GPR39: variants seen among roughly 807,000 people sequenced by gnomAD.
The protein encoded by GPR39 is zinc sensing receptor.
GPR39 carries 23 observed loss-of-function variants against 18.4 expected under a neutral mutation model. The observed-to-expected ratio is 1.25, with a 90% confidence interval of 0.90 to 1.77. The LOEUF (loss-of-function observed/expected upper bound fraction) is 1.77. Among genes scored for constraint, GPR39 ranks in the 40% most tolerant of loss-of-function variants. The pLI is 0.00. For missense variants in GPR39, 647 were observed against 602.4 expected, an observed-to-expected ratio of 1.07 and a Z score of -0.78; for synonymous variants, 280 against 257.9, an observed-to-expected ratio of 1.09 and a Z score of -0.82.
intron 1 of GPR39, among the ~76,000 whole-genome samples, chr2:132,584,724 G>T (rs1309318408): frequency 6.6e-6 from 1 of 152,200 alleles, no homozygotes; most frequent in African/African-American, 2.4e-5. Flanking sequence ...GTTTCGAAAA[G>T]CAGGCAGGAT....
intron 1 of GPR39, among the ~76,000 whole-genome samples, chr2:132,635,208 T>G (rs1681728979): frequency 6.6e-6 from 1 of 152,298 alleles, no homozygotes; most frequent in Admixed American, 6.5e-5. Flanking sequence ...ATGGATTCCA[T>G]AGAGGTTCAC....
chr2:132,606,341 C>A (rs72841243), intron 1 of GPR39, among the ~76,000 whole-genome samples: 27,212 of 152,182 alleles, frequency 0.18, 2,526 homozygotes, highest in Admixed American at 0.23. Context: ...ATAAAACATA[C>A]CAAGTGCTTA....
At chr2:132,538,487 C>T (rs1467533540) in intron 1 of GPR39, among the ~76,000 whole-genome samples, 1 of 152,220 alleles carries the variant, frequency 6.6e-6, no homozygotes. Flanking sequence ...TGTCTGTCAG[C>T]CCCTTTTGGG....
chr2:132,556,488 A>G (rs1342994561), intron 1 of GPR39, among the ~76,000 whole-genome samples: 2 of 152,118 alleles, frequency 1.3e-5, no homozygotes, highest in African/African-American at 4.8e-5. Flanking sequence ...CCCTGCACAT[A>G]TGAATCAGAG....
rs908390036 is a variant in GPR39, at chr2:132,591,048, G to A, written c.857-54053G>A. 7.3e-5 allele frequency among the ~76,000 whole-genome samples: 11 copies of A among 150,712 alleles called. No individual in the cohort carries two copies. In the South Asian group the frequency reaches 1.3e-3, roughly 17 times the overall value. ...GGGTGGATCATGAGGTCAGGAGATC[G>A]AGACCATCCTGGCTAACAAGGTGAA... is the stretch of plus-strand genomic sequence containing the variant. On this transcript the variant is annotated intron_variant, in intron 1 of 1. Coordinates refer to ENST00000329321, the MANE Select transcript of GPR39 (RefSeq NM_001508.3).
intron 1 of GPR39, among the ~76,000 whole-genome samples, chr2:132,637,190 G>A (rs1421104736): frequency 6.6e-6 from 1 of 152,232 alleles, no homozygotes; most frequent in Admixed American, 6.5e-5. Context: ...TTTACTTTGA[G>A]TGCAAGTGTC....
intron 1 of GPR39, among the ~76,000 whole-genome samples, chr2:132,581,084 A>G (rs1680615027): frequency 6.6e-6 from 1 of 151,836 alleles, no homozygotes. Context: ...TTAGTAAAGA[A>G]GGGGCACAAA....
chr2:132,433,232 T>C (rs1040247370), intron 1 of GPR39, among the ~76,000 whole-genome samples: 3 of 152,212 alleles, frequency 2.0e-5, no homozygotes, highest in African/African-American at 7.2e-5. Flanking sequence ...AGATTGTACA[T>C]GGTGCCATTT....
intron 1 of GPR39, among the ~76,000 whole-genome samples, chr2:132,597,829 C>G (rs1339774945): frequency 6.6e-6 from 1 of 152,142 alleles, no homozygotes; most frequent in Non-Finnish European, 1.5e-5. Context: ...ACTATTGACC[C>G]ACTAGGCAGA....
chr2:132,508,306 G>A (rs1679172941), intron 1 of GPR39, among the ~76,000 whole-genome samples: 1 of 152,164 alleles, frequency 6.6e-6, no homozygotes. Flanking sequence ...GGGAACTTGA[G>A]TCTCATCAAA....
chr2:132,435,634 C>T (rs1680303771), intron 1 of GPR39, among the ~76,000 whole-genome samples: 1 of 152,112 alleles, frequency 6.6e-6, no homozygotes, highest in African/African-American at 2.4e-5. Context: ...CTGTAGTTGC[C>T]TATAGTGACC....
At chr2:132,641,236 TC>T (rs1180757714) in intron 1 of GPR39, among the ~76,000 whole-genome samples, 1 of 152,208 alleles carries the variant, frequency 6.6e-6, no homozygotes, top group Non-Finnish European at 1.5e-5. Flanking sequence ...GATTTAGAGT[TC>T]CCTTATATGG....
chr2:132,497,048 C>T (rs1006854237), intron 1 of GPR39, among the ~76,000 whole-genome samples: 2 of 152,168 alleles, frequency 1.3e-5, no homozygotes, highest in African/African-American at 4.8e-5. Context: ...CTGATGATGT[C>T]CTTATACATG....
At chr2:132,443,009 A>G (rs1343513285) in intron 1 of GPR39, among the ~76,000 whole-genome samples, 1 of 152,228 alleles carries the variant, frequency 6.6e-6, no homozygotes, top group Non-Finnish European at 1.5e-5. Flanking sequence ...AATTAGCTTT[A>G]AATATCTCTG....
At chr2:132,553,402 G>A (rs75513701) in intron 1 of GPR39, among the ~76,000 whole-genome samples, 18,591 of 146,674 alleles carry the variant, frequency 0.13, 1,906 homozygotes, top group East Asian at 0.54. Context: ...GTATATATAC[G>A]TATATATATG....
chr2:132,644,792 A>G (rs1384895868), intron 1 of GPR39: 2 of 324,588 alleles, frequency 6.2e-6, no homozygotes, highest in Non-Finnish European at 1.1e-5. Context: ...CTTTCTGGAT[A>G]CGCAAACAAA....
At chr2:132,534,714 T>A (rs1479625946) in intron 1 of GPR39, among the ~76,000 whole-genome samples, 3 of 151,924 alleles carry the variant, frequency 2.0e-5, no homozygotes, top group Admixed American at 6.6e-5. Flanking sequence ...CTGGAAACCA[T>A]CATTCTCAGC....
intron 1 of GPR39, among the ~76,000 whole-genome samples, chr2:132,618,848 G>A (rs147701031): frequency 2.8e-4 from 43 of 152,360 alleles, no homozygotes; most frequent in African/African-American, 7.9e-4. Context: ...AACTGAGGGC[G>A]TTTAGAAGAT....
At chr2:132,557,626 G>T (rs1680177548) in intron 1 of GPR39, among the ~76,000 whole-genome samples, 1 of 151,358 alleles carries the variant, frequency 6.6e-6, no homozygotes, top group Non-Finnish European at 1.5e-5. Context: ...AGAGACCCAA[G>T]GTCAGGCAAG....
Sources: allele counts gnomAD v4.1 joint callset (sites outside exome capture counted in the v4.1 genomes callset), GRCh38; gene constraint gnomAD v4.1.1; transcripts MANE v1.5; gene names NCBI Gene and HGNC (gene_info 2026-07-23, HGNC 2026-07-21).